The following PHTF1 variants were observed in gnomAD, a reference collection of about 807,000 sequenced individuals.
PHTF1 encodes protein PHTF1.
PHTF1 carries 88 observed loss-of-function variants against 102.4 expected under a neutral mutation model. The observed-to-expected ratio is 0.86, with a 90% CI of 0.72 to 1.03. PHTF1 has a LOEUF of 1.03. Among genes scored for constraint, PHTF1 ranks in the 50% least tolerant of loss-of-function variants. PHTF1 has a pLI of 0.00. For synonymous variants in PHTF1, 289 were observed against 305.2 expected (o/e 0.95, Z 0.55); for missense variants, 814 against 909.5 (o/e 0.89, Z 1.35).
At chr1:113,704,209 A>T in intron 14 of PHTF1, 42 bp from the exon 15 acceptor site, 1 of 1,202,436 alleles carries the variant, frequency 8.3e-7, no homozygotes, top group South Asian at 1.3e-5. Context: ...AGTTACTGGC[A>T]GACAGCAACC....
intron 7 of PHTF1, among the ~76,000 whole-genome samples, chr1:113,719,432 T>A (rs997075044): frequency 6.6e-6 from 1 of 152,164 alleles, no homozygotes; most frequent in Non-Finnish European, 1.5e-5. Context: ...ACTTAGAAAT[T>A]TTTTCCGCCA....
Position 113,758,685 on chromosome 1 carries a change from C to A in PHTF1, c.19G>T (p.Asp7Tyr), listed in dbSNP as rs755200377. Residue 7 changes from aspartate to tyrosine, a missense_variant, in exon 2 of 19, where the codon GAT becomes TAT. By Grantham distance (160) the Asp-to-Tyr change is radical. Coordinates refer to ENST00000369604, the MANE Select transcript of PHTF1 (RefSeq NM_001323043.2). ...TTCTTTTGGTACCACGATATAGCAT[C>A]TCTCTCATTTGAGGCCATCTGTGTC... MASNER[D>Y]AISWYQKKIG... The A allele has an allele frequency of 1.2e-6, 2 of 1,608,938 alleles. 1 individual carries two copies. Among genetic ancestry groups the A allele is most frequent in the South Asian group, 2.2e-5 (2 of 90,758 alleles).
intron 6 of PHTF1, 132 bp from the exon 7 acceptor site, chr1:113,725,025 G>A: frequency 1.7e-6 from 1 of 601,394 alleles, no homozygotes; most frequent in African/African-American, 1.9e-5. Context: ...ATATTCTGCG[G>A]ATAAACTATG....
intron 10 of PHTF1, among the ~76,000 whole-genome samples, chr1:113,711,153 G>C (rs982508343): frequency 1.3e-5 from 2 of 152,040 alleles, no homozygotes; most frequent in Non-Finnish European, 2.9e-5. Flanking sequence ...TAAATATTGT[G>C]AACTTGACTA....
chr1:113,698,131 AAG>A, intron 18 of PHTF1, 129 bp downstream of exon 18: 1 of 702,608 alleles, frequency 1.4e-6, no homozygotes, highest in Non-Finnish European at 2.3e-6. Flanking sequence ...TCTTTACCTC[AAG>A]AGTTATTTGC....
At chr1:113,749,087 A>G (rs1367326755) in intron 3 of PHTF1, among the ~76,000 whole-genome samples, 1 of 152,216 alleles carries the variant, frequency 6.6e-6, no homozygotes, top group African/African-American at 2.4e-5. Flanking sequence ...ACAACATACT[A>G]ACTATAGTCA....
intron 18 of PHTF1, 82 bp downstream of exon 18, chr1:113,698,180 C>CAG (rs1649001739): frequency 1.1e-6 from 1 of 887,822 alleles, no homozygotes; most frequent in African/African-American, 1.7e-5. Context: ...CACACACACA[C>CAG]ACACACACGT....
intron 7 of PHTF1, among the ~76,000 whole-genome samples, chr1:113,720,821 A>G (rs1360213839): frequency 6.6e-6 from 1 of 152,256 alleles, no homozygotes; most frequent in Non-Finnish European, 1.5e-5. Context: ...GTTCACCATG[A>G]GTGCCCTGCC....
intron 3 of PHTF1, among the ~76,000 whole-genome samples, chr1:113,754,370 C>T (rs1571263190): frequency 2.0e-5 from 3 of 151,100 alleles, no homozygotes; most frequent in African/African-American, 7.3e-5. Flanking sequence ...GTGTTCATGC[C>T]ACTGCACTCC....
At chr1:113,758,231 CAAAAAAAA>C (rs1162537319) in intron 2 of PHTF1, among the ~76,000 whole-genome samples, 261 of 58,218 alleles carry the variant, frequency 4.5e-3, no homozygotes, top group African/African-American at 0.016. Context: ...AACTCCGTCT[CAAAAAAAA>C]AAAAAAAAAA....
intron 7 of PHTF1, 118 bp downstream of exon 7, chr1:113,724,641 T>C (rs778351501): frequency 7.5e-6 from 5 of 664,506 alleles, no homozygotes; most frequent in Non-Finnish European, 1.2e-5. Flanking sequence ...GCAAGCCCTC[T>C]GATAACCCTT....
chr1:113,706,958 G>A (rs1650309482), intron 11 of PHTF1, among the ~76,000 whole-genome samples: 1 of 143,226 alleles, frequency 7.0e-6, no homozygotes, highest in Non-Finnish European at 1.5e-5. Context: ...CCTCTATACA[G>A]CCTTCTGTGT....
chr1:113,740,222 T>A (rs954200455), intron 3 of PHTF1, among the ~76,000 whole-genome samples: 1 of 152,182 alleles, frequency 6.6e-6, no homozygotes, highest in Middle Eastern at 3.2e-3. Context: ...TTTCTCTGCA[T>A]CCTTGCCAGC....
intron 11 of PHTF1, 135 bp from the exon 12 acceptor site, chr1:113,706,857 T>A: frequency 2.0e-6 from 1 of 492,944 alleles, no homozygotes; most frequent in Non-Finnish European, 3.4e-6. Flanking sequence ...CTTTCTTTTT[T>A]TTTTTTTTTT....
intron 5 of PHTF1, among the ~76,000 whole-genome samples, chr1:113,731,366 CTAAAAAA>C (rs979567259): frequency 1.3e-5 from 2 of 151,436 alleles, no homozygotes; most frequent in Admixed American, 6.6e-5. Flanking sequence ...GAGCCCATCT[CTAAAAAA>C]TAAAAAATAA....
chr1:113,710,719 C>T (rs1344980459), intron 10 of PHTF1, among the ~76,000 whole-genome samples: 1 of 151,082 alleles, frequency 6.6e-6, no homozygotes, highest in Non-Finnish European at 1.5e-5. Flanking sequence ...CAACCTCAAA[C>T]TCGGGCTCAA....
intron 5 of PHTF1, among the ~76,000 whole-genome samples, chr1:113,732,104 TG>T (rs937158685): frequency 2.0e-5 from 3 of 152,094 alleles, no homozygotes; most frequent in Non-Finnish European, 2.9e-5. Flanking sequence ...TTGTTGGTTT[TG>T]GGGGGTCTTT....
chr1:113,698,655 A>C (rs146190851), intron 17 of PHTF1, among the ~76,000 whole-genome samples: 2 of 151,482 alleles, frequency 1.3e-5, no homozygotes. Context: ...ACACACACAC[A>C]CACATACACA....
intron 5 of PHTF1, among the ~76,000 whole-genome samples, chr1:113,734,529 A>C (rs1655184194): frequency 6.6e-6 from 1 of 152,244 alleles, no homozygotes; most frequent in African/African-American, 2.4e-5. Context: ...TGAAACTCGC[A>C]AGTGATGAAA....
Sources: allele counts gnomAD v4.1 joint callset (sites outside exome capture counted in the v4.1 genomes callset), GRCh38; gene constraint gnomAD v4.1.1; transcripts MANE v1.5; gene names NCBI Gene and HGNC (gene_info 2026-07-23, HGNC 2026-07-21).